NUP214: variants seen among roughly 807,000 people sequenced by gnomAD.
NUP214 encodes the protein nucleoporin 214.
In NUP214, 79 loss-of-function variants were observed where a neutral mutation model predicts 196.2. That is an observed-to-expected ratio of 0.40 (90% confidence interval 0.34 to 0.49). NUP214 has a LOEUF of 0.49. Among genes scored for constraint, NUP214 ranks in the 20% least tolerant of loss-of-function variants. The pLI, the probability that NUP214 is intolerant of heterozygous loss-of-function variation, is 0.58. For missense variants in NUP214, 2,468 were observed against 2,539.0 expected, an observed-to-expected ratio of 0.97 and a Z score of 0.60; for synonymous variants, 1,020 against 990.5, an observed-to-expected ratio of 1.03 and a Z score of -0.56.
chr9:131,228,264 C>A lies in NUP214; in HGVS notation c.6007C>A (p.Pro2003Thr), dbSNP rs1261738843. The stretch of plus-strand genomic sequence containing the variant: ...CGGTTCAGCCCCAGCCTTTACAAGC[C>A]CTCTGGGCTCGACGGGAGGCAAAGT... The part of the protein sequence containing the change: ...AFGSAPAFTS[P>T]LGSTGGKVFG... Residue 2003 changes from proline (P) to threonine (T), a missense_variant, in exon 33 of 36, where the codon CCT (proline) becomes ACT (threonine). By Grantham distance (38) the Pro-to-Thr change is conservative. Coordinates refer to ENST00000359428, the MANE Select transcript of NUP214 (RefSeq NM_005085.4). 1 of 1,604,974 alleles carries A rather than the reference C, an allele frequency of 6.2e-7. No homozygotes were observed. The highest frequency in any genetic ancestry group is 1.1e-5 in the South Asian group (1 of 89,864).
chr9:131,178,075 A>G (rs1564196653), intron 23 of NUP214, among the ~76,000 whole-genome samples: 1 of 151,790 alleles, frequency 6.6e-6, no homozygotes, highest in South Asian at 2.1e-4. Context: ...CTTTTCCCCT[A>G]CTCTAGTACA....
At chr9:131,153,518 G>A (rs757726380) in intron 17 of NUP214, among the ~76,000 whole-genome samples, 14 of 152,076 alleles carry the variant, frequency 9.2e-5, no homozygotes, top group African/African-American at 1.4e-4. Flanking sequence ...ACAGGCATCC[G>A]CTCTGCATCC....
chr9:131,174,447 C>CT (rs1299530269), intron 22 of NUP214, 129 bp downstream of exon 22: 175,936 of 343,064 alleles, frequency 0.51, 39,692 homozygotes, highest in Admixed American at 0.71. Context: ...TTTTTTTTTT[C>CT]TTTTTTTCTT....
Position 131,198,763 on chromosome 9 carries a change from G to C in NUP214, c.5269G>C (p.Gly1757Arg). 1 of 1,614,168 alleles carries C rather than the reference G, an allele frequency of 6.2e-7. No individual in the cohort carries two copies. Among genetic ancestry groups the C allele is most frequent in the Non-Finnish European group, 8.5e-7 (1 of 1,180,028 alleles). ...QPGFSSVPAF[G>R]QPASSTPTST... ...TGGGTTCAGTTCCGTGCCTGCCTTC[G>C]GTCAGCCTGCTTCCTCCACTCCCAC... The change falls in exon 29 of 36, where the codon GGT becomes CGT. Residue 1757 changes from glycine (G) to arginine (R), a missense_variant. Transcript: ENST00000359428.
chr9:131,178,549 C>A, intron 24 of NUP214, 139 bp downstream of exon 24: 1 of 618,454 alleles, frequency 1.6e-6, no homozygotes, highest in Non-Finnish European at 2.9e-6. Flanking sequence ...GGCGGCTAAG[C>A]CTGCCTACAC....
chr9:131,190,327 G>A (rs1232400087), intron 26 of NUP214: 4 of 582,450 alleles, frequency 6.9e-6, no homozygotes, highest in Admixed American at 6.9e-5. Flanking sequence ...TGTCACTCTT[G>A]GAGTTAGAAT....
At chr9:131,143,959 G>A (rs556280262) in intron 11 of NUP214, among the ~76,000 whole-genome samples, 1 of 152,128 alleles carries the variant, frequency 6.6e-6, no homozygotes, top group African/African-American at 2.4e-5. Flanking sequence ...GTGAAATAAG[G>A]TGGAGGTCTG....
At chr9:131,184,616 G>A (rs527758030) in intron 24 of NUP214, among the ~76,000 whole-genome samples, 6 of 152,222 alleles carry the variant, frequency 3.9e-5, no homozygotes, top group African/African-American at 1.4e-4. Flanking sequence ...GATTACAGGC[G>A]TGAGACACCG....
At chr9:131,160,381 T>G (rs1049722782) in intron 18 of NUP214, among the ~76,000 whole-genome samples, 2 of 152,210 alleles carry the variant, frequency 1.3e-5, no homozygotes, top group African/African-American at 2.4e-5. Flanking sequence ...TAGAAAACAT[T>G]TGTAATTAGT....
In NUP214 at chr9:131,125,852, G is replaced by A. The variant is rs1831331070; in HGVS notation, c.45+103G>A. ...GTGCTGGCTGTCCCGCCTCCTGCTT[G>A]AACAGTTTACCGCGTTCACAGCTCT... On this transcript the variant is annotated intron_variant, in intron 1 of 35. Coordinates refer to ENST00000359428, the MANE Select transcript of NUP214 (RefSeq NM_005085.4). This position sits in a 1 kb window ranked among gnomAD's most constrained non-coding sequence, Gnocchi z 4.1. 3 of 1,371,264 alleles carry A rather than the reference G, an allele frequency of 2.2e-6. No individual in the cohort carries two copies. Among genetic ancestry groups the A allele is most frequent in the South Asian group, 2.5e-5 (2 of 78,686 alleles). The allele number at this position is 1,371,264 out of a possible 1,614,324, so 84.9% of individuals were successfully genotyped here. A position where few individuals can be genotyped will look rare whatever the true frequency, so the allele number is the denominator to read the frequency against.
chr9:131,198,370 C>T lies in NUP214; in HGVS notation c.4876C>T (p.Pro1626Ser). ...CTCCAGCACCACGTCCATTGTTGCT[C>T]CCGGCCCATCTGCAGAGGCAGCAGC... ...IASSTTSIVA[P>S]GPSAEAAAFG... The change falls in exon 29 of 36, where the codon CCC becomes TCC. Residue 1626 changes from proline to serine, a missense_variant. By Grantham distance (74) the Pro-to-Ser change is moderately conservative (BLOSUM62 -1). Around this residue, in one of 5 missense-constraint regions of NUP214, gnomAD observed 1,801 missense variants for 1,779.4 expected, o/e 1.01. Coordinates refer to ENST00000359428, the MANE Select transcript of NUP214 (RefSeq NM_005085.4). The T allele has an allele frequency of 1.9e-6, 3 of 1,614,238 alleles. No individual in the cohort carries two copies. Among genetic ancestry groups the T allele is most frequent in the Non-Finnish European group, 1.7e-6 (2 of 1,180,040 alleles).
chr9:131,132,963 T>C, intron 6 of NUP214, 143 bp from the exon 7 acceptor site: 1 of 698,032 alleles, frequency 1.4e-6, no homozygotes, highest in South Asian at 1.8e-5. Context: ...TGGGTCATTG[T>C]ACCTGTGCAT....
chr9:131,186,638 G>A lies in NUP214; in HGVS notation c.3420-651G>A, dbSNP rs116273464. On this transcript the variant is annotated intron_variant, in intron 24 of 35. Coordinates refer to ENST00000359428, the MANE Select transcript of NUP214 (RefSeq NM_005085.4). ...ACACTAACAGGTAGTTTTCCCATATGTGAACACTAGTTATTGAAATAACAG... is the reference window on the plus strand; with the variant it reads ...ACACTAACAGGTAGTTTTCCCATATATGAACACTAGTTATTGAAATAACAG... Among the ~76,000 whole-genome samples, 295 of 152,342 alleles carry A rather than the reference G, an allele frequency of 1.9e-3. 3 individuals are homozygous for A. The highest frequency in any genetic ancestry group is 6.8e-3 in the African/African-American group (282 of 41,566).
intron 9 of NUP214, 71 bp from the exon 10 acceptor site, chr9:131,139,210 C>T: frequency 7.2e-7 from 1 of 1,390,488 alleles, no homozygotes; most frequent in Non-Finnish European, 9.3e-7. Context: ...GGAACCAATG[C>T]AAAGCTCTAA....
chr9:131,182,652 C>CT (rs1185439327), intron 24 of NUP214, among the ~76,000 whole-genome samples: 1 of 152,024 alleles, frequency 6.6e-6, no homozygotes, highest in Non-Finnish European at 1.5e-5. Context: ...CCTTAGCTTG[C>CT]TTTTTTTTAA....
At chr9:131,210,950 G>T (rs544144698) in intron 30 of NUP214, among the ~76,000 whole-genome samples, 1 of 152,166 alleles carries the variant, frequency 6.6e-6, no homozygotes, top group Non-Finnish European at 1.5e-5. Context: ...AAACATTGTT[G>T]AAATTAATGA....
At chr9:131,166,071 C>G (rs1295593420) in intron 21 of NUP214, among the ~76,000 whole-genome samples, 1 of 152,060 alleles carries the variant, frequency 6.6e-6, no homozygotes, top group East Asian at 1.9e-4. Flanking sequence ...GTACTTAATA[C>G]CAATGAACTG....
intron 7 of NUP214, 47 bp downstream of exon 7, chr9:131,133,256 T>G (rs762444536): frequency 8.2e-7 from 1 of 1,217,774 alleles, no homozygotes; most frequent in East Asian, 2.7e-5. Context: ...AGAGAAGTCT[T>G]CTAATAAAGC....
In NUP214 at chr9:131,176,354, C is replaced by T. The variant is rs572744859; in HGVS notation, c.3319+733C>T. On this transcript the variant is annotated intron_variant, in intron 23 of 35. Coordinates refer to ENST00000359428, the MANE Select transcript of NUP214 (RefSeq NM_005085.4). Reference sequence around the variant, plus strand: ...TTTTTTTTCTTTTGAGACAGGGTCTCACTGTGTTGCCTAGGCTGAAGGACA... The same window carrying T: ...TTTTTTTTCTTTTGAGACAGGGTCTTACTGTGTTGCCTAGGCTGAAGGACA... 1.0e-3 allele frequency among the ~76,000 whole-genome samples: 151 copies of T among 150,420 alleles called. 2 individuals carry two copies. The South Asian group carries it at 0.013, about 13-fold the overall frequency.
Sources: gnomAD v4.1 joint callset for allele counts (sites outside exome capture counted in the v4.1 genomes callset) on GRCh38, gnomAD v4.1.1 for gene constraint, gnomAD v4.1.1 regional missense constraint, Gnocchi (gnomAD v3.1) non-coding constraint, MANE v1.5 for transcripts, NCBI Gene and HGNC (gene_info 2026-07-23, HGNC 2026-07-21) for gene names.